The following ZNF726 variants were observed in gnomAD, a reference collection of about 807,000 sequenced individuals.
The protein encoded by ZNF726 is zinc finger protein 92 pseudogene 3.
Under a neutral mutation model 11.6 loss-of-function variants are expected in ZNF726, and 15 were observed. The ratio of observed to expected loss-of-function variants is 1.29; its 90% CI spans 0.86 to 1.99. The LOEUF is 1.99. ZNF726 is among the 30% of genes most tolerant of loss of function. The pLI, the probability that ZNF726 is intolerant of heterozygous loss-of-function variation, is 0.00. For missense variants in ZNF726, 890 were observed against 725.6 expected, an observed-to-expected ratio of 1.23 and a Z score of -2.60; for synonymous variants, 295 against 243.6, an observed-to-expected ratio of 1.21 and a Z score of -1.96.
chr19:23,933,304 C>G lies in ZNF726; in HGVS notation c.1188C>G (p.Pro396=). 2.5e-6 allele frequency: 4 copies of G among 1,613,212 alleles called. No homozygotes were observed. Among genetic ancestry groups the G allele is most frequent in the South Asian group, 2.2e-5 (2 of 91,056 alleles). ...AGAGGATTCACACTGGAGAGAAACC[C>G]TACAAATGTGAAGAATGTGGCAAAG... ...KHKRIHTGEK[P]YKCEECGKAF... The change falls in exon 4 of 4, where the codon CCC becomes CCG. Residue 396 remains proline, a synonymous_variant. Coordinates refer to ENST00000594466, the MANE Select transcript of ZNF726 (RefSeq NM_001244038.2).
At chr19:23,935,508 C>T (rs1568382006), downstream of ZNF726, 1 of 430,614 alleles carries the variant, frequency 2.3e-6, no homozygotes, top group Non-Finnish European at 4.6e-6. Flanking sequence ...CAATTCTTAA[C>T]AGATATAAGA....
downstream of ZNF726, among the ~76,000 whole-genome samples, chr19:23,937,965 T>C (rs1479072471): frequency 6.6e-6 from 1 of 152,252 alleles, no homozygotes; most frequent in African/African-American, 2.4e-5. Flanking sequence ...ACTTAACTTT[T>C]CAATTCAGCA....
rs376003459 is a variant in ZNF726, at chr19:23,933,955, G to A, written c.1839G>A (p.Arg613=). ...CCTCAACCCTTTTTAAGCATAAGAG[G>A]ATTCATACTTGAGAGAAACCTTAAA... is the stretch of plus-strand genomic sequence containing the variant. ...IWSSTLFKHK[R]IHT Residue 613 remains arginine (R), a synonymous_variant, in exon 4 of 4, where the codon AGG becomes AGA. Coordinates refer to ENST00000594466, the MANE Select transcript of ZNF726 (RefSeq NM_001244038.2). 216 of 1,576,450 alleles carry A rather than the reference G, an allele frequency of 1.4e-4. 2 individuals are homozygous for A. The East Asian group carries it at 3.5e-3, about 25-fold the overall frequency.
downstream of ZNF726, chr19:23,935,288 AC>A (rs769525487): frequency 5.2e-5 from 26 of 501,730 alleles, no homozygotes; most frequent in Middle Eastern, 3.2e-4. Context: ...CTGGAGTAAA[AC>A]TCTACAAATG....
At chr19:23,937,077 G>A (rs1006449241), downstream of ZNF726, among the ~76,000 whole-genome samples, 7 of 146,030 alleles carry the variant, frequency 4.8e-5, no homozygotes, top group East Asian at 2.1e-4. Context: ...GCGGCTGGCC[G>A]GGCGGGGGGC....
At chr19:23,940,708 C>T (rs185155084) in intron 3 of ZNF726, among the ~76,000 whole-genome samples, 1 of 152,174 alleles carries the variant, frequency 6.6e-6, no homozygotes, top group East Asian at 1.9e-4. Flanking sequence ...TCTTTTGACT[C>T]CTTCATTAGA....
intron 3 of ZNF726, chr19:23,927,889 A>G (rs1968022593): frequency 6.6e-6 from 1 of 152,216 alleles, no homozygotes; most frequent in Non-Finnish European, 1.5e-5. Context: ...TTCTGTACTC[A>G]TCTGTTAAAC....
At chr19:23,918,904 T>G (rs1288045767) in intron 1 of ZNF726, among the ~76,000 whole-genome samples, 1 of 152,196 alleles carries the variant, frequency 6.6e-6, no homozygotes, top group Admixed American at 6.5e-5. Context: ...TGATAGAGAT[T>G]CAGTAACTCA....
At chr19:23,922,836 A>G (rs1394303554) in intron 3 of ZNF726, among the ~76,000 whole-genome samples, 1 of 152,162 alleles carries the variant, frequency 6.6e-6, no homozygotes, top group East Asian at 1.9e-4. Context: ...GGTGTGAACC[A>G]TGATGCCTGG....
chr19:23,928,661 C>A (rs908233710), intron 3 of ZNF726: 5 of 152,120 alleles, frequency 3.3e-5, no homozygotes, highest in African/African-American at 1.2e-4. Context: ...TCATAAAATA[C>A]AGGTTTTTGC....
intron 3 of ZNF726, among the ~76,000 whole-genome samples, chr19:23,925,319 A>T (rs1967958649): frequency 6.6e-6 from 1 of 152,164 alleles, no homozygotes; most frequent in African/African-American, 2.4e-5. Flanking sequence ...TTATAAAATA[A>T]TTGGTACATC....
chr19:23,936,146 A>G (rs936554923), downstream of ZNF726: 5 of 152,230 alleles, frequency 3.3e-5, no homozygotes, highest in South Asian at 1.0e-3. Context: ...CAAAGCGTTC[A>G]TACTAAAATA....
downstream of ZNF726, among the ~76,000 whole-genome samples, chr19:23,936,933 C>T (rs940040751): frequency 1.9e-4 from 29 of 152,034 alleles, no homozygotes; most frequent in East Asian, 5.9e-4. Context: ...TCCACAAAAC[C>T]GCCATTGTCA....
At chr19:23,921,501 A>G (rs972754769) in intron 3 of ZNF726, 2 of 152,160 alleles carry the variant, frequency 1.3e-5, no homozygotes, top group African/African-American at 4.8e-5. Flanking sequence ...CAGTTTCACA[A>G]TACTTATTCT....
chr19:23,927,156 G>A (rs942187642), intron 3 of ZNF726, among the ~76,000 whole-genome samples: 2 of 151,776 alleles, frequency 1.3e-5, no homozygotes, highest in Non-Finnish European at 2.9e-5. Context: ...TAGTAGAGAC[G>A]GGGTTTCACT....
downstream of ZNF726, among the ~76,000 whole-genome samples, chr19:23,935,017 G>A (rs1968204053): frequency 1.3e-5 from 2 of 152,252 alleles, no homozygotes; most frequent in South Asian, 4.1e-4. Context: ...TAGCATGGGT[G>A]AGGGAGAGAT....
chr19:23,933,021 T>C lies in ZNF726; in HGVS notation c.905T>C (p.Ile302Thr). 6.2e-7 allele frequency: 1 copy of C among 1,607,050 alleles called. No homozygotes were observed. Among genetic ancestry groups the C allele is most frequent in the East Asian group, 2.3e-5 (1 of 44,440 alleles). The stretch of plus-strand genomic sequence containing the variant: ...TTTAGCCAACCCTCAGCACTAACCA[T>C]ACATAAGAGGATGCACATTGGAGAG... ...KAFSQPSALTIHKRMHIGEKP... is the reference protein window; with the variant it reads ...KAFSQPSALTTHKRMHIGEKP... Residue 302 changes from isoleucine to threonine, a missense_variant, in exon 4 of 4, where the codon ATA becomes ACA. Physicochemically the swap from Ile to Thr is moderately conservative, Grantham distance 89 (BLOSUM62 -1). Coordinates refer to ENST00000594466, the MANE Select transcript of ZNF726 (RefSeq NM_001244038.2).
At chr19:23,937,191 C>T (rs1968252478), downstream of ZNF726, among the ~76,000 whole-genome samples, 1 of 149,744 alleles carries the variant, frequency 6.7e-6, no homozygotes, top group African/African-American at 2.5e-5. Flanking sequence ...GGGTGGCTGA[C>T]CCCTCCACCT....
intron 3 of ZNF726, among the ~76,000 whole-genome samples, chr19:23,926,456 A>C (rs910245729): frequency 1.3e-5 from 2 of 151,344 alleles, no homozygotes; most frequent in Non-Finnish European, 2.9e-5. Context: ...CAGGAGGTTG[A>C]GGTGGGAGAA....
Sources: gnomAD v4.1 joint callset for allele counts (sites outside exome capture counted in the v4.1 genomes callset) on GRCh38, gnomAD v4.1.1 for gene constraint, MANE v1.5 for transcripts, NCBI Gene and HGNC (gene_info 2026-07-23, HGNC 2026-07-21) for gene names.